The following COL18A1 variants were observed in gnomAD, a reference collection of about 807,000 sequenced individuals.
COL18A1 encodes the protein collagen alpha-1(XVIII) chain.
COL18A1 carries 133 observed loss-of-function variants against 168.0 expected under a neutral mutation model. The ratio of observed to expected loss-of-function variants is 0.79; its 90% confidence interval spans 0.69 to 0.91. The LOEUF is 0.91. Ranked by LOEUF, COL18A1 falls within the 40% of genes least tolerant of loss-of-function variation. COL18A1 has a pLI of 0.00. For missense variants in COL18A1, 2,126 were observed against 1,925.4 expected (o/e 1.10, Z -1.95); for synonymous variants, 949 against 809.0 (o/e 1.17, Z -2.94).
intron 2 of COL18A1, among the ~76,000 whole-genome samples, chr21:45,447,412 A>G (rs2034529218): frequency 6.6e-6 from 1 of 152,172 alleles, no homozygotes; most frequent in East Asian, 1.9e-4. Context: ...TTTGCAATGA[A>G]CAATCCAAAA....
intron 18 of COL18A1, among the ~76,000 whole-genome samples, chr21:45,488,975 G>A (rs1216135436): frequency 2.6e-5 from 4 of 152,104 alleles, no homozygotes; most frequent in Non-Finnish European, 5.9e-5. Flanking sequence ...CCTCTCCTAG[G>A]CCCTGGGCAG....
chr21:45,498,330 C>G lies in COL18A1; in HGVS notation c.2683+669C>G. 2 of 655,062 alleles carry G rather than the reference C, an allele frequency of 3.1e-6. No homozygotes were observed. The highest frequency in any genetic ancestry group is 5.6e-6 in the Non-Finnish European group (2 of 354,428). The allele number at this position is 655,062 out of a possible 1,614,324, so 40.6% of individuals were successfully genotyped here. A position where few individuals can be genotyped will look rare whatever the true frequency, so the allele number is the denominator to read the frequency against. On this transcript the variant is annotated intron_variant, in intron 32 of 41. Transcript: ENST00000651438. The surrounding 1 kb of genome is among the most constrained non-coding windows in gnomAD (Gnocchi z 4.5). ...CGCCGCCACGGTCCCCTCTCGCCGC[C>G]AGGGTCCCCTCTCACCGCCAGGGTT...
chr21:45,415,514 G>A (rs1202334891), intron 2 of COL18A1, among the ~76,000 whole-genome samples: 7 of 152,220 alleles, frequency 4.6e-5, no homozygotes, highest in Non-Finnish European at 7.3e-5. Flanking sequence ...GCGCAGGGGC[G>A]GCGGAGCGGG....
chr21:45,497,295 G>C (rs1198127136), intron 31 of COL18A1, among the ~76,000 whole-genome samples: 4 of 152,230 alleles, frequency 2.6e-5, no homozygotes, highest in Non-Finnish European at 5.9e-5. Flanking sequence ...TGACCTTGGG[G>C]TGGCCCCCAT....
At chr21:45,479,365 A>G (rs9980311) in intron 9 of COL18A1, among the ~76,000 whole-genome samples, 29,119 of 118,502 alleles carry the variant, frequency 0.25, 2,861 homozygotes, top group Middle Eastern at 0.33. Context: ...ACGTGTGTGC[A>G]CACACACCAC....
In COL18A1 at chr21:45,473,936, G is replaced by T; in HGVS notation, c.693G>T (p.Val231=). 1 of 1,606,272 alleles carries T rather than the reference G, an allele frequency of 6.2e-7. No homozygotes were observed. The highest frequency in any genetic ancestry group is 1.7e-5 in the Admixed American group (1 of 59,186). Residue 231 remains valine (V), a synonymous_variant, in exon 4 of 42, where the codon GTG becomes GTT. Transcript: ENST00000651438. This position sits in a 1 kb window ranked among gnomAD's most constrained non-coding sequence, Gnocchi z 4.0. ...TGAAGGTGCGCAGGGACCCCCAGGTGAGCCCCATGCACTGCCTGGACGAGG... is the reference window on the plus strand; with the variant it reads ...TGAAGGTGCGCAGGGACCCCCAGGTTAGCCCCATGCACTGCCTGGACGAGG... The part of the protein sequence containing the change: ...AELKVRRDPQ[V]SPMHCLDEEG...
chr21:45,459,340 C>T (rs535710765), intron 2 of COL18A1, among the ~76,000 whole-genome samples: 3 of 152,284 alleles, frequency 2.0e-5, no homozygotes, highest in East Asian at 1.9e-4. Flanking sequence ...TTCGAGGCCC[C>T]GAAAGTGGGG....
In COL18A1 at chr21:45,495,337, A is replaced by G. The variant is rs769582614; in HGVS notation, c.2434-21A>G. ...TAATCATCAGTGCCCAGCAGTCCCC[A>G]CCCCCTGTGCTCCGCCCCAGGGTCG... is the stretch of plus-strand genomic sequence containing the variant. On this transcript the variant is annotated intron_variant, in intron 28 of 41. Coordinates refer to ENST00000651438, the MANE Select transcript of COL18A1 (RefSeq NM_001379500.1). 44 of 1,592,070 alleles carry G rather than the reference A, an allele frequency of 2.8e-5. No homozygotes were observed. In the Admixed American group the frequency reaches 7.1e-4, roughly 26 times the overall value.
At chr21:45,439,575 G>A (rs932233980) in intron 2 of COL18A1, among the ~76,000 whole-genome samples, 1 of 147,440 alleles carries the variant, frequency 6.8e-6, no homozygotes, top group African/African-American at 2.4e-5. Flanking sequence ...CCCCCTGGCG[G>A]CCGGTCCCTG....
chr21:45,478,244 G>A (rs1464817856), intron 8 of COL18A1, 83 bp from the exon 9 acceptor site: 22 of 1,574,732 alleles, frequency 1.4e-5, no homozygotes, highest in Admixed American at 1.7e-5. Flanking sequence ...GACTTGGAGC[G>A]TGGGGTGCAT....
At chr21:45,429,281 T>C (rs974468379) in intron 2 of COL18A1, among the ~76,000 whole-genome samples, 2 of 152,092 alleles carry the variant, frequency 1.3e-5, no homozygotes, top group African/African-American at 2.4e-5. Context: ...GGAAAACATT[T>C]CAGCCAGGGC....
chr21:45,491,698 C>T (rs976904825), intron 22 of COL18A1, among the ~76,000 whole-genome samples: 14 of 152,178 alleles, frequency 9.2e-5, no homozygotes, highest in African/African-American at 2.9e-4. Flanking sequence ...GTGTTGGTTC[C>T]GGAACCTTCC....
At chr21:45,414,292 C>T (rs1364387577) in intron 2 of COL18A1, among the ~76,000 whole-genome samples, 2 of 152,214 alleles carry the variant, frequency 1.3e-5, no homozygotes, top group East Asian at 1.9e-4. Flanking sequence ...GTCTCCCTTT[C>T]GGGGGCACAT....
intron 2 of COL18A1, among the ~76,000 whole-genome samples, chr21:45,408,305 C>T (rs779531299): frequency 5.3e-5 from 8 of 152,224 alleles, no homozygotes; most frequent in South Asian, 2.1e-4. Flanking sequence ...CCCAGTCACG[C>T]GAAGTGCAGG....
At chr21:45,511,332 T>C in intron 41 of COL18A1, 106 bp downstream of exon 41, 1 of 703,862 alleles carries the variant, frequency 1.4e-6, no homozygotes, top group South Asian at 1.5e-5. Context: ...ACAAATCTTA[T>C]ACATGCTCAT....
intron 30 of COL18A1, among the ~76,000 whole-genome samples, 171 bp downstream of exon 30, chr21:45,496,739 C>T (rs541657643): frequency 1.9e-4 from 29 of 152,360 alleles, no homozygotes; most frequent in Middle Eastern, 6.8e-3. Context: ...AAGGTGAAGG[C>T]CTGGGAAAGG....
chr21:45,413,544 G>A (rs535063132), intron 2 of COL18A1, among the ~76,000 whole-genome samples: 4 of 152,378 alleles, frequency 2.6e-5, no homozygotes, highest in Non-Finnish European at 4.4e-5. Context: ...GGCAGTTCCC[G>A]GAGGGAGGCG....
rs1446362191 is a variant in COL18A1 at position 45,498,588 on chromosome 21, G to C, written c.2683+927G>C. The C allele has an allele frequency of 1.4e-6, 1 of 716,170 alleles. No individual in the cohort carries two copies. The highest frequency in any genetic ancestry group is 1.5e-5 in the South Asian group (1 of 67,564). The allele number at this position is 716,170 out of a possible 1,614,324, so 44.4% of individuals were successfully genotyped here. ...AAGGGACCAGGCAGGCAGAGGCCGA[G>C]TCTGGGCCGGGACATCCTTAAGGCC... On this transcript the variant is annotated intron_variant, in intron 32 of 41. Coordinates refer to ENST00000651438, the MANE Select transcript of COL18A1 (RefSeq NM_001379500.1). This position sits in a 1 kb window ranked among gnomAD's most constrained non-coding sequence, Gnocchi z 4.5.
intron 2 of COL18A1, among the ~76,000 whole-genome samples, chr21:45,459,980 G>A (rs573585298): frequency 2.2e-4 from 34 of 152,164 alleles, no homozygotes; most frequent in South Asian, 1.0e-3. Context: ...CCCTGGGACC[G>A]GAGGCAGGTG....
Sources: gnomAD v4.1 joint callset for allele counts (sites outside exome capture counted in the v4.1 genomes callset) on GRCh38, gnomAD v4.1.1 for gene constraint, Gnocchi (gnomAD v3.1) non-coding constraint, MANE v1.5 for transcripts, NCBI Gene and HGNC (gene_info 2026-07-23, HGNC 2026-07-21) for gene names.